SERPINA6: variants seen among roughly 807,000 people sequenced by gnomAD.
The protein encoded by SERPINA6 is corticosteroid-binding globulin.
Under a neutral mutation model 26.4 loss-of-function variants are expected in SERPINA6, and 19 were observed. The observed-to-expected ratio is 0.72, with a 90% CI of 0.50 to 1.06. SERPINA6 has a LOEUF of 1.06. SERPINA6 is among the 50% of genes least tolerant of loss of function. The pLI is 0.00. For synonymous variants in SERPINA6, 196 were observed against 199.4 expected (o/e 0.98, Z 0.14); for missense variants, 473 against 504.0 (o/e 0.94, Z 0.59).
In SERPINA6 at chr14:94,309,962, T is replaced by C. The variant is rs1354259172; in HGVS notation, c.658A>G (p.Asn220Asp). The C allele has an allele frequency of 2.5e-6, 4 of 1,613,864 alleles. No individual in the cohort carries two copies. In the Admixed American group the frequency reaches 6.7e-5, roughly 27 times the overall value. ...PFDLASTREE[N>D]FYVDETTVVK... ...ACAGTTGTCTCGTCCACATAGAAGT[T>C]CTCCTCCCTGGTGCTTGCCAGGTCA... The change falls in exon 3 of 5, where the codon AAC (asparagine) becomes GAC (aspartate). Residue 220 changes from asparagine (N) to aspartate (D), a missense_variant. Coordinates refer to ENST00000341584, the MANE Select transcript of SERPINA6 (RefSeq NM_001756.4).
intron 4 of SERPINA6, 82 bp from the exon 5 acceptor site, chr14:94,304,685 T>A: frequency 8.0e-7 from 1 of 1,245,188 alleles, no homozygotes; most frequent in Non-Finnish European, 1.1e-6. Flanking sequence ...ACCCTTCACA[T>A]CCTTGGTTTT....
At chr14:94,319,906 C>T (rs1013582432) in intron 1 of SERPINA6, among the ~76,000 whole-genome samples, 7 of 152,108 alleles carry the variant, frequency 4.6e-5, no homozygotes, top group African/African-American at 1.7e-4. Flanking sequence ...TGTGAATGTA[C>T]TTTTATGAAC....
intron 2 of SERPINA6, among the ~76,000 whole-genome samples, chr14:94,313,133 A>T (rs1421525569): frequency 6.6e-6 from 1 of 152,200 alleles, no homozygotes; most frequent in Non-Finnish European, 1.5e-5. Context: ...AGAGGAGGTG[A>T]CTTTTGAGCT....
At chr14:94,317,096 A>T (rs1406254058) in intron 1 of SERPINA6, among the ~76,000 whole-genome samples, 1 of 152,128 alleles carries the variant, frequency 6.6e-6, no homozygotes, top group South Asian at 2.1e-4. Flanking sequence ...TATATATCCT[A>T]TAGATTCTGT....
At chr14:94,318,911 G>C (rs918360113) in intron 1 of SERPINA6, among the ~76,000 whole-genome samples, 2 of 152,184 alleles carry the variant, frequency 1.3e-5, no homozygotes, top group African/African-American at 2.4e-5. Flanking sequence ...TTTCATATCT[G>C]ATAAGGAATT....
intron 1 of SERPINA6, among the ~76,000 whole-genome samples, chr14:94,321,846 T>C (rs1414359559): frequency 6.6e-6 from 1 of 152,230 alleles, no homozygotes; most frequent in East Asian, 1.9e-4. Flanking sequence ...ATCTGGGATC[T>C]CCTCTCAGGC....
chr14:94,310,681 G>T (rs183052504), intron 2 of SERPINA6, among the ~76,000 whole-genome samples: 1 of 152,254 alleles, frequency 6.6e-6, no homozygotes, highest in African/African-American at 2.4e-5. Flanking sequence ...GAAGAAAATT[G>T]CTCCTCAGAC....
At chr14:94,308,549 C>G (rs561750545) in intron 3 of SERPINA6, among the ~76,000 whole-genome samples, 1 of 152,292 alleles carries the variant, frequency 6.6e-6, no homozygotes, top group South Asian at 2.1e-4. Context: ...TCAGCATCCC[C>G]CCTGCTTCTG....
chr14:94,305,824 G>T (rs1006660720), intron 4 of SERPINA6, among the ~76,000 whole-genome samples: 1 of 152,154 alleles, frequency 6.6e-6, no homozygotes, highest in African/African-American at 2.4e-5. Flanking sequence ...GGTCTGGTGG[G>T]ATGGGTAGGT....
chr14:94,317,522 G>A (rs1895629191), intron 1 of SERPINA6, among the ~76,000 whole-genome samples: 1 of 152,138 alleles, frequency 6.6e-6, no homozygotes, highest in South Asian at 2.1e-4. Context: ...AGTCAGATGA[G>A]GGCCTGTTAA....
At chr14:94,308,229 C>A (rs767526528) in intron 3 of SERPINA6, among the ~76,000 whole-genome samples, 34 of 152,222 alleles carry the variant, frequency 2.2e-4, no homozygotes, top group Non-Finnish European at 3.7e-4. Context: ...ACCTCCCAAC[C>A]AGTGGCATGT....
In SERPINA6 at chr14:94,304,727, C is replaced by G. The variant is rs542723410; in HGVS notation, c.1033-124G>C. ...GTAAATCCAGGGTCAGAGAAGGTCA[C>G]TTGCTGGATTCTTATCCAAGTGGCA... On this transcript the variant is annotated intron_variant, in intron 4 of 4. Transcript: ENST00000341584. The G allele has an allele frequency of 7.4e-5, 59 of 800,778 alleles. No homozygotes were observed. The African/African-American group carries it at 8.4e-4, about 11-fold the overall frequency. The allele number at this position is 800,778 out of a possible 1,614,324, so 49.6% of individuals were successfully genotyped here.
chr14:94,320,831 C>A (rs1350643531), intron 1 of SERPINA6, among the ~76,000 whole-genome samples: 1 of 152,140 alleles, frequency 6.6e-6, no homozygotes, highest in Non-Finnish European at 1.5e-5. Context: ...CTGCTCTAGC[C>A]CCTAGTTCTC....
At chr14:94,313,717 T>C (rs1895566422) in intron 2 of SERPINA6, among the ~76,000 whole-genome samples, 1 of 152,170 alleles carries the variant, frequency 6.6e-6, no homozygotes, top group African/African-American at 2.4e-5. Context: ...AGGCCATTTT[T>C]CCAGTCCCTG....
chr14:94,306,535 A>G (rs1895443862), intron 3 of SERPINA6, among the ~76,000 whole-genome samples: 1 of 152,220 alleles, frequency 6.6e-6, no homozygotes, highest in Non-Finnish European at 1.5e-5. Context: ...GTCCATAATG[A>G]AGCCTTTTTA....
chr14:94,311,905 G>A (rs1895535479), intron 2 of SERPINA6, among the ~76,000 whole-genome samples: 1 of 152,056 alleles, frequency 6.6e-6, no homozygotes, highest in African/African-American at 2.4e-5. Flanking sequence ...CCAAGATTCT[G>A]CCACTGCACT....
intron 1 of SERPINA6, among the ~76,000 whole-genome samples, chr14:94,318,611 A>G (rs1041856915): frequency 1.3e-5 from 2 of 152,250 alleles, no homozygotes; most frequent in Admixed American, 1.3e-4. Flanking sequence ...TTGGATATTT[A>G]CATGCAAAAT....
intron 1 of SERPINA6, among the ~76,000 whole-genome samples, chr14:94,318,460 A>C (rs1566729542): frequency 6.6e-6 from 1 of 152,242 alleles, no homozygotes; most frequent in Non-Finnish European, 1.5e-5. Context: ...TGGTACTGGC[A>C]TAAAGACATA....
At chr14:94,310,540 A>AC (rs1397636037) in intron 2 of SERPINA6, among the ~76,000 whole-genome samples, 1 of 151,846 alleles carries the variant, frequency 6.6e-6, no homozygotes, top group Admixed American at 6.6e-5. Flanking sequence ...ACAGACTCCC[A>AC]CCCCCAGCAG....
Sources: allele counts gnomAD v4.1 joint callset (sites outside exome capture counted in the v4.1 genomes callset), GRCh38; gene constraint gnomAD v4.1.1; transcripts MANE v1.5; gene names NCBI Gene and HGNC (gene_info 2026-07-23, HGNC 2026-07-21).